Variants in SMYD3 observed in about 807,000 individuals in gnomAD.
SMYD3 encodes the protein histone-lysine N-methyltransferase SMYD3.
SMYD3 carries 36 observed loss-of-function variants against 57.7 expected under a neutral mutation model. The observed-to-expected ratio is 0.62, with a 90% CI of 0.48 to 0.82. The LOEUF (loss-of-function observed/expected upper bound fraction) is 0.82, where lower values mean the gene tolerates loss of function less well. SMYD3 is among the 40% of genes least tolerant of loss of function. SMYD3 has a pLI of 0.00. For synonymous variants in SMYD3, 211 were observed against 195.0 expected, an observed-to-expected ratio of 1.08 and a Z score of -0.68; for missense variants, 515 against 538.8, an observed-to-expected ratio of 0.96 and a Z score of 0.44.
intron 5 of SMYD3, among the ~76,000 whole-genome samples, chr1:246,280,534 G>T (rs1023726527): frequency 1.3e-5 from 2 of 152,108 alleles, no homozygotes; most frequent in East Asian, 3.9e-4. Context: ...GAGGCAGGAG[G>T]ATTGCTTGAG....
At chr1:246,094,863 C>A (rs1427028102) in intron 5 of SMYD3, among the ~76,000 whole-genome samples, 1 of 152,138 alleles carries the variant, frequency 6.6e-6, no homozygotes, top group Non-Finnish European at 1.5e-5. Context: ...ATCTGCTGAG[C>A]GTATCTCGGA....
chr1:246,323,220 T>C (rs1378682252), intron 5 of SMYD3, among the ~76,000 whole-genome samples: 3 of 152,206 alleles, frequency 2.0e-5, no homozygotes, highest in African/African-American at 7.2e-5. Context: ...GATATATCTA[T>C]ATAGAAAACT....
At chr1:246,282,337 A>AAAAAAAAAAAAAAAAT (rs2064466579) in intron 5 of SMYD3, among the ~76,000 whole-genome samples, 1 of 130,780 alleles carries the variant, frequency 7.6e-6, no homozygotes, top group Non-Finnish European at 1.6e-5. Flanking sequence ...AAAAAAAAAA[A>AAAAAAAAAAAAAAAAT]AAAGCAAAAA....
At chr1:246,260,973 C>G (rs1162086483) in intron 5 of SMYD3, among the ~76,000 whole-genome samples, 1 of 152,156 alleles carries the variant, frequency 6.6e-6, no homozygotes, top group Non-Finnish European at 1.5e-5. Flanking sequence ...CAGCCCAAAC[C>G]CTCCCCTTAG....
chr1:246,351,199 G>A (rs1188902215), intron 2 of SMYD3, among the ~76,000 whole-genome samples: 4 of 152,126 alleles, frequency 2.6e-5, no homozygotes, highest in Non-Finnish European at 5.9e-5. Flanking sequence ...ATATAAAATA[G>A]AGCTTGTATC....
At chr1:245,831,745 C>T (rs913795747) in intron 10 of SMYD3, among the ~76,000 whole-genome samples, 4 of 152,210 alleles carry the variant, frequency 2.6e-5, no homozygotes, top group African/African-American at 9.6e-5. Context: ...TCATCACTGA[C>T]AAGGGAACAG....
At chr1:246,328,521 A>C (rs2065395887) in intron 4 of SMYD3, among the ~76,000 whole-genome samples, 1 of 152,182 alleles carries the variant, frequency 6.6e-6, no homozygotes, top group South Asian at 2.1e-4. Flanking sequence ...TAAAACTTGA[A>C]AAGATACATC....
chr1:246,094,678 A>G (rs1177162642), intron 5 of SMYD3, among the ~76,000 whole-genome samples: 1 of 152,188 alleles, frequency 6.6e-6, no homozygotes, highest in African/African-American at 2.4e-5. Flanking sequence ...CTTTTTCTAT[A>G]GCAAAACGCA....
At chr1:245,915,236 T>C (rs2055319593) in intron 8 of SMYD3, among the ~76,000 whole-genome samples, 1 of 152,226 alleles carries the variant, frequency 6.6e-6, no homozygotes, top group African/African-American at 2.4e-5. Context: ...TATGTTCTAC[T>C]AGCACTCTGG....
intron 5 of SMYD3, among the ~76,000 whole-genome samples, chr1:246,058,842 G>C (rs1166017747): frequency 2.0e-5 from 3 of 151,172 alleles, no homozygotes; most frequent in Non-Finnish European, 2.9e-5. Context: ...GTTTCTCATA[G>C]TTAACAAAGG....
intron 5 of SMYD3, among the ~76,000 whole-genome samples, chr1:246,161,930 T>C (rs1000338087): frequency 2.0e-5 from 3 of 151,944 alleles, no homozygotes; most frequent in Non-Finnish European, 2.9e-5. Context: ...TGTGTGTTGG[T>C]TGCAAGAGGG....
chr1:246,126,172 T>C, intron 5 of SMYD3, among the ~76,000 whole-genome samples: 1 of 152,202 alleles, frequency 6.6e-6, no homozygotes, highest in South Asian at 2.1e-4. Flanking sequence ...GATCCCCATC[T>C]GGGCATGAGC....
intron 9 of SMYD3, among the ~76,000 whole-genome samples, chr1:245,862,839 C>G (rs956472378): frequency 6.6e-6 from 1 of 152,222 alleles, no homozygotes; most frequent in African/African-American, 2.4e-5. Flanking sequence ...CCAGGCAGCA[C>G]TGTGATGATC....
rs1048727288 is a variant in SMYD3, at chr1:245,808,078, C to T, written c.1077-43929G>A. Among the ~76,000 whole-genome samples, 16 of 152,178 alleles carry T rather than the reference C, an allele frequency of 1.1e-4. No individual in the cohort carries two copies. In the East Asian group the frequency reaches 1.2e-3, roughly 11 times the overall value. On this transcript the variant is annotated intron_variant, in intron 10 of 11. Coordinates refer to ENST00000490107, the MANE Select transcript of SMYD3 (RefSeq NM_001167740.2). The stretch of plus-strand genomic sequence containing the variant: ...AATTCTTCCAGATCATAACCCAGGA[C>T]GGCCCCCAGCAATAATAAACTGGCT...
intron 1 of SMYD3, among the ~76,000 whole-genome samples, chr1:246,457,133 T>G (rs903229136): frequency 6.6e-6 from 1 of 152,166 alleles, no homozygotes; most frequent in Non-Finnish European, 1.5e-5. Context: ...ACTGATCATC[T>G]CTGGCCACTT....
At chr1:245,807,916 G>C (rs931042966) in intron 10 of SMYD3, among the ~76,000 whole-genome samples, 4 of 152,080 alleles carry the variant, frequency 2.6e-5, no homozygotes, top group African/African-American at 9.7e-5. Flanking sequence ...TGAGATATGG[G>C]TGCCTTTAAT....
At chr1:246,285,068 G>A (rs537497143) in intron 5 of SMYD3, among the ~76,000 whole-genome samples, 4 of 151,698 alleles carry the variant, frequency 2.6e-5, no homozygotes, top group African/African-American at 9.7e-5. Flanking sequence ...CCCATCACCC[G>A]AGCAATATAC....
chr1:245,899,561 A>G (rs897025951), intron 8 of SMYD3, among the ~76,000 whole-genome samples: 1 of 152,232 alleles, frequency 6.6e-6, no homozygotes, highest in Non-Finnish European at 1.5e-5. Context: ...TACAGCATGG[A>G]CTATAATCCA....
At position 246,355,127 on chromosome 1, in the gene SMYD3, A is replaced by C; in HGVS notation, c.165-33T>G. 6.3e-7 allele frequency: 1 copy of C among 1,596,382 alleles called. No individual in the cohort carries two copies. The highest frequency in any genetic ancestry group is 8.6e-7 in the Non-Finnish European group (1 of 1,163,948). ...GAAAAAAATTAATTCTGCATTAAGA[A>C]ATGAGTGGGAAACATAGTACATAGT... On this transcript the variant is annotated intron_variant, in intron 1 of 11. Coordinates refer to ENST00000490107, the MANE Select transcript of SMYD3 (RefSeq NM_001167740.2). The surrounding 1 kb of genome is among the most constrained non-coding windows in gnomAD (Gnocchi z 5.0).
Sources: allele counts gnomAD v4.1 joint callset (sites outside exome capture counted in the v4.1 genomes callset), GRCh38; gene constraint gnomAD v4.1.1; non-coding constraint Gnocchi (gnomAD v3.1); transcripts MANE v1.5; gene names NCBI Gene and HGNC (gene_info 2026-07-23, HGNC 2026-07-21).